EGFLAM: variants seen among roughly 807,000 people sequenced by gnomAD.
EGFLAM encodes EGF like, fibronectin type III and laminin G domains, also known as pikachurin.
Under a neutral mutation model 113.1 loss-of-function variants are expected in EGFLAM, and 79 were observed. The ratio of observed to expected loss-of-function variants is 0.70; its 90% CI spans 0.58 to 0.84. EGFLAM has a LOEUF of 0.84. Ranked by LOEUF, EGFLAM falls within the 40% of genes least tolerant of loss-of-function variation. The probability of loss-of-function intolerance (pLI) is 0.00; values close to 1 mark genes in which losing one functional copy is unlikely to be tolerated. For missense variants in EGFLAM, 1,265 were observed against 1,291.6 expected, an observed-to-expected ratio of 0.98 and a Z score of 0.32; for synonymous variants, 504 against 487.6, an observed-to-expected ratio of 1.03 and a Z score of -0.44.
intron 1 of EGFLAM, among the ~76,000 whole-genome samples, chr5:38,296,726 C>T (rs1001876473): frequency 6.6e-6 from 1 of 151,232 alleles, no homozygotes; most frequent in Non-Finnish European, 1.5e-5. Flanking sequence ...TTTTTACATA[C>T]ATATGTATGT....
intron 6 of EGFLAM, among the ~76,000 whole-genome samples, chr5:38,373,078 T>A (rs114059629): frequency 0.026 from 3,958 of 152,298 alleles, 63 homozygotes; most frequent in Non-Finnish European, 0.042. Context: ...TACTTCAAAT[T>A]AATACATTTG....
At chr5:38,400,383 T>C (rs1741076772) in intron 6 of EGFLAM, among the ~76,000 whole-genome samples, 1 of 152,240 alleles carries the variant, frequency 6.6e-6, no homozygotes, top group East Asian at 1.9e-4. Context: ...TTGATTATTC[T>C]GGTTCTAATA....
chr5:38,425,562 A>G (rs2112186492), intron 13 of EGFLAM, among the ~76,000 whole-genome samples: 1 of 152,260 alleles, frequency 6.6e-6, no homozygotes, highest in African/African-American at 2.4e-5. Context: ...CTTTTTAAAC[A>G]AGGTTGGAGT....
At chr5:38,328,622 G>A (rs924175912) in intron 1 of EGFLAM, among the ~76,000 whole-genome samples, 17 of 151,002 alleles carry the variant, frequency 1.1e-4, no homozygotes, top group African/African-American at 2.4e-4. Flanking sequence ...TAATATTTTC[G>A]TTAATTTAAT....
chr5:38,277,485 T>C (rs952072285), intron 1 of EGFLAM, among the ~76,000 whole-genome samples: 1 of 116,134 alleles, frequency 8.6e-6, no homozygotes, highest in Non-Finnish European at 2.0e-5. Flanking sequence ...AAAGCTTTTT[T>C]TCTAAGATCT....
intron 3 of EGFLAM, among the ~76,000 whole-genome samples, chr5:38,341,507 AGGTGAGATTT>A (rs1348333025): frequency 6.6e-6 from 1 of 152,236 alleles, no homozygotes; most frequent in Non-Finnish European, 1.5e-5. Context: ...TTACAATTCA[AGGTGAGATTT>A]GGGTGGAGAC....
At chr5:38,415,420 C>T (rs147039456) in intron 11 of EGFLAM, among the ~76,000 whole-genome samples, 80 of 152,008 alleles carry the variant, frequency 5.3e-4, no homozygotes, top group Middle Eastern at 3.4e-3. Flanking sequence ...CAGTGGCTCA[C>T]GCCTATAATT....
At chr5:38,439,015 T>G (rs944561253) in intron 17 of EGFLAM, among the ~76,000 whole-genome samples, 1 of 152,248 alleles carries the variant, frequency 6.6e-6, no homozygotes, top group African/African-American at 2.4e-5. Flanking sequence ...AAAATGGGAA[T>G]AATAATAGCA....
intron 1 of EGFLAM, among the ~76,000 whole-genome samples, chr5:38,313,562 A>G (rs1738510904): frequency 6.6e-6 from 1 of 152,238 alleles, no homozygotes. Context: ...TATATTTTAA[A>G]GAGTCATCAT....
chr5:38,319,487 G>A (rs1229182871), intron 1 of EGFLAM, among the ~76,000 whole-genome samples: 1 of 152,184 alleles, frequency 6.6e-6, no homozygotes, highest in East Asian at 1.9e-4. Context: ...ACTGTTGTAG[G>A]TGCCAGGAAT....
At chr5:38,294,947 T>C (rs1466121259) in intron 1 of EGFLAM, among the ~76,000 whole-genome samples, 2 of 152,122 alleles carry the variant, frequency 1.3e-5, no homozygotes, top group African/African-American at 4.8e-5. Flanking sequence ...TGCCTCAGCC[T>C]CCCGAGTAGC....
Position 38,465,219 on chromosome 5 carries a change from A to G in EGFLAM, c.*1233A>G, listed in dbSNP as rs1167625457. On this transcript the variant is annotated 3_prime_UTR_variant, in exon 22 of 22. Coordinates refer to ENST00000322350, the MANE Select transcript of EGFLAM (RefSeq NM_152403.4). ...GTACCATGAGCTGTGTCCCTTTACT[A>G]TGCAAGCACATGACCCCAGAGACAG... Among the ~76,000 whole-genome samples, 3 of 152,136 alleles carry G rather than the reference A, an allele frequency of 2.0e-5. No individual in the cohort carries two copies. The highest frequency in any genetic ancestry group is 2.1e-4 in the South Asian group (1 of 4,822).
chr5:38,319,093 G>T (rs1324261019), intron 1 of EGFLAM, among the ~76,000 whole-genome samples: 2 of 152,152 alleles, frequency 1.3e-5, no homozygotes, highest in African/African-American at 4.8e-5. Context: ...CTTTTCCCCA[G>T]TTGTTCCTCC....
intron 14 of EGFLAM, among the ~76,000 whole-genome samples, chr5:38,429,727 GA>G (rs1742129382): frequency 6.6e-6 from 1 of 151,962 alleles, no homozygotes; most frequent in Non-Finnish European, 1.5e-5. Flanking sequence ...CAAACATATA[GA>G]AAAATTGGAA....
intron 16 of EGFLAM, among the ~76,000 whole-genome samples, chr5:38,436,917 G>C (rs963813026): frequency 1.3e-5 from 2 of 152,194 alleles, no homozygotes; most frequent in East Asian, 3.9e-4. Flanking sequence ...GCTCTCCAAG[G>C]GCCAGGCAAG....
chr5:38,412,641 A>C lies in EGFLAM; in HGVS notation c.1487A>C (p.Gln496Pro). Residue 496 changes from glutamine to proline, a missense_variant, in exon 11 of 22, where the codon CAG becomes CCG. Transcript: ENST00000322350. ...AACAATGGCACCCCAGTGACAGGCC[A>C]GTCTCAGGTATGTATGAGCCCCACA... Reference protein sequence around the residue: ...QLNNGTPVTGQSQGQYSKITF... With the variant: ...QLNNGTPVTGPSQGQYSKITF... 6.2e-7 allele frequency: 1 copy of C among 1,613,950 alleles called. No homozygotes were observed. Among genetic ancestry groups the C allele is most frequent in the Non-Finnish European group, 8.5e-7 (1 of 1,180,008 alleles).
At chr5:38,435,019 A>T (rs753525167) in intron 15 of EGFLAM, 118 bp from the exon 16 acceptor site, 1 of 752,302 alleles carries the variant, frequency 1.3e-6, no homozygotes, top group South Asian at 1.7e-5. Flanking sequence ...GATTGTCATG[A>T]TGGGTCTCTA....
chr5:38,320,137 G>A (rs1252098929), intron 1 of EGFLAM, among the ~76,000 whole-genome samples: 2 of 152,308 alleles, frequency 1.3e-5, no homozygotes, highest in South Asian at 2.1e-4. Context: ...TCAATAAATC[G>A]AGGTCTTCAT....
intron 15 of EGFLAM, among the ~76,000 whole-genome samples, chr5:38,434,064 A>AAGC (rs1742268964): frequency 3.3e-5 from 5 of 152,102 alleles, no homozygotes; most frequent in Admixed American, 3.3e-4. Context: ...TGATCTTCCA[A>AAGC]AGCACAGACC....
Sources: gnomAD v4.1 joint callset for allele counts (sites outside exome capture counted in the v4.1 genomes callset) on GRCh38, gnomAD v4.1.1 for gene constraint, MANE v1.5 for transcripts, NCBI Gene and HGNC (gene_info 2026-07-23, HGNC 2026-07-21) for gene names.